EFL1: variants seen among roughly 807,000 people sequenced by gnomAD.
EFL1 encodes the protein elongation factor like GTPase 1.
EFL1 carries 76 observed loss-of-function variants against 126.7 expected under a neutral mutation model. That is an observed-to-expected ratio of 0.60 (90% confidence interval 0.50 to 0.73). The LOEUF (loss-of-function observed/expected upper bound fraction) is 0.73, where lower values mean the gene tolerates loss of function less well. Ranked by LOEUF, EFL1 falls within the 30% of genes least tolerant of loss-of-function variation. The pLI is 0.00. For synonymous variants in EFL1, 410 were observed against 448.4 expected (o/e 0.91, Z 1.08); for missense variants, 1,128 against 1,343.2 (o/e 0.84, Z 2.50).
chr15:82,228,123 C>T (rs1391541530), intron 10 of EFL1, 68 bp downstream of exon 10: 1 of 1,523,226 alleles, frequency 6.6e-7, no homozygotes, highest in Non-Finnish European at 8.8e-7. Flanking sequence ...TTCTTGGTTA[C>T]CATAACGCAT....
chr15:82,194,149 G>C (rs1267423183), intron 15 of EFL1, among the ~76,000 whole-genome samples: 2 of 152,200 alleles, frequency 1.3e-5, no homozygotes, highest in African/African-American at 4.8e-5. Flanking sequence ...GGTTTGGTCA[G>C]TAGTGCCATT....
chr15:82,159,860 T>C (rs1011667989), intron 16 of EFL1: 18 of 152,250 alleles, frequency 1.2e-4, no homozygotes, highest in African/African-American at 4.1e-4. Flanking sequence ...TATGCAATTT[T>C]GTGAGGTGCC....
At position 82,225,189 on chromosome 15, in the gene EFL1, T is replaced by C. The variant is rs747310207; in HGVS notation, c.1268A>G (p.Lys423Arg). 6.2e-7 allele frequency: 1 copy of C among 1,612,070 alleles called. No individual in the cohort carries two copies. Among genetic ancestry groups the C allele is most frequent in the Non-Finnish European group, 8.5e-7 (1 of 1,179,380 alleles). ...CCTTGGCTTATTCTGAGGCAAGGCC[T>C]TAGCATCAACTGCAAACATTTTGGA... is the stretch of plus-strand genomic sequence containing the variant. ...FVSKMFAVDA[K>R]ALPQNKPRPL... Residue 423 changes from lysine (K) to arginine (R), a missense_variant, in exon 12 of 20, where the codon AAG (lysine) becomes AGG (arginine). Around this residue, in one of 6 missense-constraint regions of EFL1, gnomAD observed 316 missense variants for 318.5 expected, o/e 0.99. Transcript: ENST00000268206.
chr15:82,206,950 C>T (rs1217515031), intron 15 of EFL1, among the ~76,000 whole-genome samples: 1 of 151,952 alleles, frequency 6.6e-6, no homozygotes, highest in African/African-American at 2.4e-5. Context: ...AACTACAGAC[C>T]AAACTTACAA....
intron 15 of EFL1, among the ~76,000 whole-genome samples, chr15:82,170,154 G>T (rs927236759): frequency 8.4e-6 from 1 of 119,602 alleles, no homozygotes; most frequent in Admixed American, 1.1e-4. Context: ...TCGCTCTGTC[G>T]CCCAGGCTGG....
At chr15:82,158,995 C>T (rs2073995242) in intron 16 of EFL1, among the ~76,000 whole-genome samples, 2 of 152,202 alleles carry the variant, frequency 1.3e-5, no homozygotes, top group African/African-American at 4.8e-5. Context: ...AGCCAGAGAG[C>T]CCATGCTCTG....
intron 15 of EFL1, among the ~76,000 whole-genome samples, chr15:82,189,391 T>C (rs1358725398): frequency 6.6e-6 from 1 of 152,226 alleles, no homozygotes; most frequent in Non-Finnish European, 1.5e-5. Flanking sequence ...CATATGGAGC[T>C]TACATTCTAA....
chr15:82,136,189 C>T (rs1044647268), intron 19 of EFL1, among the ~76,000 whole-genome samples: 15 of 151,968 alleles, frequency 9.9e-5, no homozygotes, highest in African/African-American at 2.9e-4. Flanking sequence ...ATTGAATATA[C>T]GAATTCAAAT....
rs776725099 is a variant in EFL1, at chr15:82,138,873, GATCA to G, written c.2990-35_2990-32del. 4.4e-6 allele frequency: 7 copies of G among 1,600,018 alleles called. No homozygotes were observed. In the South Asian group the frequency reaches 6.7e-5, roughly 15 times the overall value. On this transcript the variant is annotated intron_variant, in intron 18 of 19. Transcript: ENST00000268206. ...AAACCATAAATCTTTTAAAATCATG[GATCA>G]ATCATATGGCTTGAGCCACACCAAG...
chr15:82,155,157 A>G (rs997014940), intron 17 of EFL1, among the ~76,000 whole-genome samples: 1 of 151,992 alleles, frequency 6.6e-6, no homozygotes, highest in Non-Finnish European at 1.5e-5. Context: ...TTATTTATTT[A>G]TTTATCCATT....
At position 82,238,307 on chromosome 15, in the gene EFL1, C is replaced by T; in HGVS notation, c.731G>A (p.Gly244Glu). 1 of 1,613,874 alleles carries T rather than the reference C, an allele frequency of 6.2e-7. No homozygotes were observed. Among genetic ancestry groups the T allele is most frequent in the Non-Finnish European group, 8.5e-7 (1 of 1,179,986 alleles). Residue 244 changes from glycine to glutamate, a missense_variant and splice_region_variant, in exon 7 of 20, where the codon GGA becomes GAA. Physicochemically the swap from Gly to Glu is moderately conservative, Grantham distance 98. Around this residue, in one of 6 missense-constraint regions of EFL1, gnomAD observed 316 missense variants for 318.5 expected, o/e 0.99. Transcript: ENST00000268206. ...FTSAIDGWGF[G>E]IEHFARIYSQ... ...TTTAATCAGATGCAAACAGACTTAC[C>T]CAAAGCCCCACCCATCTATTGCACT... is the stretch of plus-strand genomic sequence containing the variant.
intron 14 of EFL1, among the ~76,000 whole-genome samples, chr15:82,217,481 T>A (rs2074662567): frequency 8.0e-6 from 1 of 125,732 alleles, no homozygotes; most frequent in Non-Finnish European, 1.6e-5. Flanking sequence ...CACTGAACAA[T>A]AAACGAGCTA....
chr15:82,130,663 A>G, intron 19 of EFL1, 102 bp from the exon 20 acceptor site: 6 of 1,285,554 alleles, frequency 4.7e-6, no homozygotes, highest in Non-Finnish European at 3.2e-6. Flanking sequence ...AATGAAAAAA[A>G]GTTAGGCAAT....
At chr15:82,191,283 G>T (rs2074356977) in intron 15 of EFL1, among the ~76,000 whole-genome samples, 1 of 152,082 alleles carries the variant, frequency 6.6e-6, no homozygotes, top group African/African-American at 2.4e-5. Context: ...CAAGCGTAAA[G>T]TTTTCTTTTA....
chr15:82,217,373 G>GAAAAAAAAAAAAAAAAAAAAAAAA, intron 14 of EFL1, among the ~76,000 whole-genome samples: 5 of 27,156 alleles, frequency 1.8e-4, no homozygotes, highest in East Asian at 1.9e-3. Flanking sequence ...GATTAGATTT[G>GAAAAAAAAAAAAAAAAAAAAAAAA]AAAAAAAAAA....
chr15:82,177,199 T>C (rs575094008), intron 15 of EFL1, among the ~76,000 whole-genome samples: 1 of 152,382 alleles, frequency 6.6e-6, no homozygotes, highest in East Asian at 1.9e-4. Flanking sequence ...AAGATTTGCA[T>C]ACTTTTCTAT....
intron 15 of EFL1, among the ~76,000 whole-genome samples, chr15:82,180,590 C>T (rs2074242580): frequency 6.6e-6 from 1 of 151,454 alleles, no homozygotes; most frequent in Admixed American, 6.6e-5. Flanking sequence ...GATCCAGTAG[C>T]AAAAAAACAC....
chr15:82,198,447 T>C (rs1263200739), intron 15 of EFL1, among the ~76,000 whole-genome samples: 1 of 152,188 alleles, frequency 6.6e-6, no homozygotes, highest in African/African-American at 2.4e-5. Context: ...CTATTTTGTT[T>C]TGTTTAAAAA....
chr15:82,153,891 A>C (rs1428109298), intron 17 of EFL1, among the ~76,000 whole-genome samples: 1 of 152,228 alleles, frequency 6.6e-6, no homozygotes, highest in Non-Finnish European at 1.5e-5. Flanking sequence ...AATCTTAGGA[A>C]TAGGAAAATA....
Sources: allele counts gnomAD v4.1 joint callset (sites outside exome capture counted in the v4.1 genomes callset), GRCh38; gene constraint gnomAD v4.1.1; regional missense constraint gnomAD v4.1.1; transcripts MANE v1.5; gene names NCBI Gene and HGNC (gene_info 2026-07-23, HGNC 2026-07-21).